The following C7 variants were observed in gnomAD, a reference collection of about 807,000 sequenced individuals.
C7 encodes the protein complement C7.
C7 carries 83 observed loss-of-function variants against 104.8 expected under a neutral mutation model. The observed-to-expected ratio is 0.79, with a 90% CI of 0.66 to 0.95. The LOEUF (loss-of-function observed/expected upper bound fraction) is 0.95, where lower values mean the gene tolerates loss of function less well. C7 is among the 40% of genes least tolerant of loss of function. The pLI, the probability that C7 is intolerant of heterozygous loss-of-function variation, is 0.00. For missense variants in C7, 1,070 were observed against 1,011.2 expected (o/e 1.06, Z -0.79); for synonymous variants, 415 against 360.6 (o/e 1.15, Z -1.71).
chr5:40,930,805 A>G (rs1021829232), intron 2 of C7, among the ~76,000 whole-genome samples: 1 of 151,966 alleles, frequency 6.6e-6, no homozygotes, highest in African/African-American at 2.4e-5. Flanking sequence ...ACCTCAGGTG[A>G]TCTGCCCGCC....
At chr5:40,957,874 G>A (rs1410182261) in intron 10 of C7, among the ~76,000 whole-genome samples, 159 bp from the exon 11 acceptor site, 1 of 151,750 alleles carries the variant, frequency 6.6e-6, no homozygotes, top group East Asian at 1.9e-4. Context: ...GTTGCAAAGA[G>A]AGTGCACTGT....
At chr5:40,918,082 G>GTATTCAAAGAA (rs1561235731) in intron 1 of C7, among the ~76,000 whole-genome samples, 1 of 152,100 alleles carries the variant, frequency 6.6e-6, no homozygotes, top group Non-Finnish European at 1.5e-5. Context: ...AACAGAAATA[G>GTATTCAAAGAA]TATTCAAAGA....
rs972942035 is a variant in C7, at chr5:40,983,041, T to C, written c.*1468T>C. 1 of 152,394 alleles carries C rather than the reference T, an allele frequency of 6.6e-6. No homozygotes were observed. Among genetic ancestry groups the C allele is most frequent in the Non-Finnish European group, 1.5e-5 (1 of 68,050 alleles). The allele number at this position is 152,394 out of a possible 1,614,324, so 9.4% of individuals were successfully genotyped here. A position where few individuals can be genotyped will look rare whatever the true frequency, so the allele number is the denominator to read the frequency against. On this transcript the variant is annotated 3_prime_UTR_variant, in exon 18 of 18. Transcript: ENST00000313164. ...TATGTCTGATCCAGATCTAGCTTTT[T>C]GTATCAAAGTGTGCCCTAAGGGAAG...
chr5:40,981,015 C>CT (rs968814104), intron 17 of C7, among the ~76,000 whole-genome samples: 2 of 152,134 alleles, frequency 1.3e-5, no homozygotes, highest in African/African-American at 2.4e-5. Flanking sequence ...GTTAAGTTCT[C>CT]TTTTTTTCTC....
intron 12 of C7, among the ~76,000 whole-genome samples, chr5:40,961,500 T>G (rs1740420325): frequency 6.6e-6 from 1 of 151,988 alleles, no homozygotes; most frequent in Non-Finnish European, 1.5e-5. Context: ...TTCTCCTGCC[T>G]CAGCCTCCTA....
At position 40,931,091 on chromosome 5, in the gene C7, G is replaced by A; in HGVS notation, c.90G>A (p.Trp30Ter). The change falls in exon 3 of 18, where the codon TGG becomes TGA. Residue 30 changes from tryptophan to a stop codon, truncating the protein, a stop_gained. Coordinates refer to ENST00000313164, the MANE Select transcript of C7 (RefSeq NM_000587.4). LOFTEE classifies it high-confidence loss of function. Reference sequence around the variant, plus strand: ...CCTCCTCTCCAGTCAACTGCCAGTGGGACTTCTATGCCCCTTGGTCAGAAT... The same window carrying A: ...CCTCCTCTCCAGTCAACTGCCAGTGAGACTTCTATGCCCCTTGGTCAGAAT... ...SSASSPVNCQ[W>*]DFYAPWSECN... 1 of 1,613,460 alleles carries A rather than the reference G, an allele frequency of 6.2e-7. No individual in the cohort carries two copies. The highest frequency in any genetic ancestry group is 8.5e-7 in the Non-Finnish European group (1 of 1,179,540).
At chr5:40,922,752 G>C (rs1157322089) in intron 1 of C7, among the ~76,000 whole-genome samples, 1 of 151,484 alleles carries the variant, frequency 6.6e-6, no homozygotes, top group South Asian at 2.1e-4. Context: ...GTAAGAAATG[G>C]TTTTGGGAAA....
intron 5 of C7, 124 bp from the exon 6 acceptor site, chr5:40,937,428 G>GT (rs1739838810): frequency 4.5e-6 from 4 of 891,718 alleles, no homozygotes; most frequent in Non-Finnish European, 6.7e-6. Context: ...TCAAAGAAGT[G>GT]TTTAAGTGTA....
At chr5:40,920,491 C>T (rs905786823) in intron 1 of C7, among the ~76,000 whole-genome samples, 5 of 138,032 alleles carry the variant, frequency 3.6e-5, no homozygotes, top group African/African-American at 1.4e-4. Context: ...CTGAACATAC[C>T]AATAATGAGT....
intron 14 of C7, among the ~76,000 whole-genome samples, chr5:40,966,113 A>T (rs1241877500): frequency 1.3e-5 from 2 of 151,762 alleles, no homozygotes; most frequent in African/African-American, 2.4e-5. Flanking sequence ...TTTAATTTTA[A>T]TTTTTAAAAA....
At chr5:40,965,410 C>T (rs1561255748) in intron 14 of C7, among the ~76,000 whole-genome samples, 1 of 151,882 alleles carries the variant, frequency 6.6e-6, no homozygotes, top group African/African-American at 2.4e-5. Flanking sequence ...CACACACACA[C>T]ATACATATAT....
At chr5:40,915,278 T>C (rs527997574) in intron 1 of C7, among the ~76,000 whole-genome samples, 1 of 152,288 alleles carries the variant, frequency 6.6e-6, no homozygotes, top group African/African-American at 2.4e-5. Flanking sequence ...TCATTCCTGT[T>C]GCTCTGATTT....
chr5:40,968,588 ATATATATATATATTTTTTTTTTT>A (rs1192819090), intron 14 of C7, among the ~76,000 whole-genome samples: 549 of 46,036 alleles, frequency 0.012, 3 homozygotes, highest in African/African-American at 0.051. Context: ...ATATATATAT[ATATATATATATATTTTTTTTTTT>A]TTTTTTTTTT....
At chr5:40,915,171 A>T (rs144874147) in intron 1 of C7, among the ~76,000 whole-genome samples, 1 of 152,226 alleles carries the variant, frequency 6.6e-6, no homozygotes, top group African/African-American at 2.4e-5. Flanking sequence ...ACTGGGAGAG[A>T]TAAAGAATCA....
chr5:40,957,792 G>T (rs535731453), intron 10 of C7, among the ~76,000 whole-genome samples: 20 of 147,614 alleles, frequency 1.4e-4, no homozygotes, highest in Non-Finnish European at 2.4e-4. Context: ...TAAATCTTAC[G>T]CATGCACAGA....
intron 14 of C7, among the ~76,000 whole-genome samples, chr5:40,965,640 A>ATTT (rs1389505199): frequency 1.7e-5 from 1 of 58,026 alleles, no homozygotes. Flanking sequence ...ATATATATAT[A>ATTT]TATATATATT....
chr5:40,964,664 T>C (rs2111683003), intron 13 of C7, 77 bp from the exon 14 acceptor site: 1 of 1,276,578 alleles, frequency 7.8e-7, no homozygotes, highest in Non-Finnish European at 1.1e-6. Context: ...ATTTATAGAC[T>C]GAATATATGT....
At chr5:40,964,966 G>A in intron 14 of C7, 93 bp downstream of exon 14, 2 of 1,413,816 alleles carry the variant, frequency 1.4e-6, no homozygotes, top group Non-Finnish European at 2.0e-6. Flanking sequence ...TGGCCCATGT[G>A]TTGGCCTTCC....
At chr5:40,927,382 A>G (rs1739576253) in intron 1 of C7, among the ~76,000 whole-genome samples, 1 of 152,152 alleles carries the variant, frequency 6.6e-6, no homozygotes, top group South Asian at 2.1e-4. Flanking sequence ...ACAAATGCAA[A>G]CATAGACAAA....
Sources: gnomAD v4.1 joint callset for allele counts (sites outside exome capture counted in the v4.1 genomes callset) on GRCh38, gnomAD v4.1.1 for gene constraint, MANE v1.5 for transcripts, NCBI Gene and HGNC (gene_info 2026-07-23, HGNC 2026-07-21) for gene names.